The following WDR7 variants were observed in gnomAD, a reference collection of about 807,000 sequenced individuals.
WDR7 encodes WD repeat domain 7.
A neutral mutation model predicts 169.4 loss-of-function variants in WDR7; 46 were observed. That is an observed-to-expected ratio of 0.27 (90% CI 0.21 to 0.35). The LOEUF (loss-of-function observed/expected upper bound fraction) is 0.35. WDR7 is among the 10% of genes least tolerant of loss of function. The pLI is 1.00. For synonymous variants in WDR7, 612 were observed against 666.8 expected (o/e 0.92, Z 1.27); for missense variants, 1,534 against 1,859.3 (o/e 0.83, Z 3.22).
intron 21 of WDR7, 24 bp from the exon 22 acceptor site, chr18:56,923,898 C>T: frequency 6.7e-7 from 1 of 1,499,722 alleles, no homozygotes; most frequent in Non-Finnish European, 8.9e-7. Context: ...CCCTTTTGCT[C>T]TGCATTTTAT....
chr18:56,741,914 A>G (rs941295770), intron 14 of WDR7, among the ~76,000 whole-genome samples: 2 of 152,200 alleles, frequency 1.3e-5, no homozygotes, highest in African/African-American at 4.8e-5. Context: ...ATAATGACAT[A>G]TACAACAGAA....
intron 21 of WDR7, among the ~76,000 whole-genome samples, chr18:56,898,704 A>T (rs1225324815): frequency 6.6e-6 from 1 of 152,116 alleles, no homozygotes; most frequent in African/African-American, 2.4e-5. Context: ...GAGAAGATGA[A>T]CCATGTCAGG....
intron 21 of WDR7, among the ~76,000 whole-genome samples, chr18:56,898,838 G>A (rs2046364583): frequency 6.6e-6 from 1 of 152,062 alleles, no homozygotes; most frequent in Non-Finnish European, 1.5e-5. Flanking sequence ...AGGCTAGTGA[G>A]TAGGATTCTA....
chr18:56,740,981 C>T (rs1434381469), intron 14 of WDR7, among the ~76,000 whole-genome samples: 1 of 152,118 alleles, frequency 6.6e-6, no homozygotes, highest in Non-Finnish European at 1.5e-5. Flanking sequence ...CTACTGCTTG[C>T]TTGATCTCTG....
intron 16 of WDR7, among the ~76,000 whole-genome samples, chr18:56,773,354 T>TA (rs928758935): frequency 3.3e-5 from 5 of 151,252 alleles, no homozygotes; most frequent in East Asian, 2.0e-4. Flanking sequence ...TTTTTTTTTT[T>TA]ATCATTCATT....
intron 26 of WDR7, among the ~76,000 whole-genome samples, chr18:56,980,820 G>T (rs2047633891): frequency 6.6e-6 from 1 of 152,168 alleles, no homozygotes; most frequent in Admixed American, 6.5e-5. Context: ...GGAGTGAATG[G>T]GAGGAAAGGG....
chr18:56,889,886 C>A (rs1256252741), intron 21 of WDR7, among the ~76,000 whole-genome samples: 1 of 152,156 alleles, frequency 6.6e-6, no homozygotes, highest in Admixed American at 6.5e-5. Context: ...GAATGGCTTT[C>A]TCTTTGGTAT....
chr18:56,744,245 G>GAAAAAAAAAAAAAAAAA (rs58110613), intron 14 of WDR7, among the ~76,000 whole-genome samples: 2 of 86,884 alleles, frequency 2.3e-5, no homozygotes, highest in African/African-American at 4.1e-5. Context: ...TCTCAAAAAA[G>GAAAAAAAAAAAAAAAAA]AAAAAAAAAA....
chr18:56,795,128 C>T (rs2044561542), intron 19 of WDR7, among the ~76,000 whole-genome samples: 1 of 152,112 alleles, frequency 6.6e-6, no homozygotes. Context: ...TGGATTGAAA[C>T]GTATTTAGGT....
Position 56,936,254 on chromosome 18 carries a change from C to T in WDR7, c.3831+349C>T, listed in dbSNP as rs186529667. The stretch of plus-strand genomic sequence containing the variant: ...TGTAAGTACCTACTTGTCATCAAAA[C>T]TAAACTTCTTATTTAGTACTGGCTC... On this transcript the variant is annotated intron_variant, in intron 23 of 27. Coordinates refer to ENST00000254442, the MANE Select transcript of WDR7 (RefSeq NM_015285.3). 8.6e-5 allele frequency: 16 copies of T among 186,632 alleles called. No individual in the cohort carries two copies. In the East Asian group the frequency reaches 2.2e-3, roughly 26 times the overall value. 11.6% of individuals were successfully genotyped at this position (186,632 alleles called of 1,614,324 possible). A position where few individuals can be genotyped will look rare whatever the true frequency, so the allele number is the denominator to read the frequency against.
At chr18:56,811,452 ATCT>A (rs1360658740) in intron 19 of WDR7, among the ~76,000 whole-genome samples, 16 of 152,060 alleles carry the variant, frequency 1.1e-4, no homozygotes, top group Non-Finnish European at 7.4e-5. Flanking sequence ...TTGTCTTTTC[ATCT>A]TCTTAATAGG....
intron 20 of WDR7, among the ~76,000 whole-genome samples, chr18:56,847,673 T>C (rs1358120511): frequency 6.6e-6 from 1 of 152,202 alleles, no homozygotes; most frequent in Non-Finnish European, 1.5e-5. Context: ...AGGCCCTGTT[T>C]TCCTGCTTAG....
At chr18:56,790,372 A>C (rs139383748) in intron 19 of WDR7, among the ~76,000 whole-genome samples, 2 of 151,980 alleles carry the variant, frequency 1.3e-5, no homozygotes, top group East Asian at 3.9e-4. Context: ...TGATTTTCTT[A>C]TCTCTTTATG....
chr18:56,914,561 G>A (rs1260725617), intron 21 of WDR7, among the ~76,000 whole-genome samples: 4 of 152,096 alleles, frequency 2.6e-5, no homozygotes, highest in Admixed American at 2.6e-4. Context: ...CATCTCTTTC[G>A]CTCATGCCAT....
chr18:56,895,253 T>C (rs549939336), intron 21 of WDR7, among the ~76,000 whole-genome samples: 1 of 152,112 alleles, frequency 6.6e-6, no homozygotes, highest in Non-Finnish European at 1.5e-5. Context: ...AACTTCTGTC[T>C]ACTAGTGAAC....
intron 20 of WDR7, among the ~76,000 whole-genome samples, chr18:56,862,126 T>C (rs757165059): frequency 5.3e-5 from 8 of 151,934 alleles, no homozygotes; most frequent in Admixed American, 3.3e-4. Context: ...CGAAGAAAAA[T>C]TCAGAAACAA....
At chr18:56,949,420 T>G (rs2047150548) in intron 25 of WDR7, among the ~76,000 whole-genome samples, 1 of 152,226 alleles carries the variant, frequency 6.6e-6, no homozygotes, top group Non-Finnish European at 1.5e-5. Flanking sequence ...TTGAGAAAAG[T>G]AGCCTTGCTT....
intron 26 of WDR7, among the ~76,000 whole-genome samples, chr18:56,999,799 G>A (rs1302860474): frequency 6.6e-6 from 1 of 152,158 alleles, no homozygotes; most frequent in Non-Finnish European, 1.5e-5. Context: ...AAACTGCGGA[G>A]AACCTTGTAG....
At chr18:56,819,956 TA>T (rs1270616563) in intron 20 of WDR7, among the ~76,000 whole-genome samples, 1 of 152,148 alleles carries the variant, frequency 6.6e-6, no homozygotes, top group Non-Finnish European at 1.5e-5. Flanking sequence ...ATGTTATTAA[TA>T]GGTCATAATT....
Sources: allele counts gnomAD v4.1 joint callset (sites outside exome capture counted in the v4.1 genomes callset), GRCh38; gene constraint gnomAD v4.1.1; transcripts MANE v1.5; gene names NCBI Gene and HGNC (gene_info 2026-07-23, HGNC 2026-07-21).